PRORP: variants seen among roughly 807,000 people sequenced by gnomAD.
The protein encoded by PRORP is mitochondrial ribonuclease P catalytic subunit.
In PRORP, 51 loss-of-function variants were observed where a neutral mutation model predicts 59.4. That is an observed-to-expected ratio of 0.86 (90% CI 0.69 to 1.08). PRORP has a LOEUF of 1.08. Ranked by LOEUF, PRORP falls within the 50% of genes least tolerant of loss-of-function variation. PRORP has a pLI of 0.00. For synonymous variants in PRORP, 231 were observed against 245.6 expected (o/e 0.94, Z 0.55); for missense variants, 646 against 690.3 (o/e 0.94, Z 0.72).
chr14:35,129,349 G>A (rs1445710213), intron 4 of PRORP, among the ~76,000 whole-genome samples: 4 of 151,818 alleles, frequency 2.6e-5, no homozygotes, highest in Non-Finnish European at 5.9e-5. Context: ...ACTTAGTCCT[G>A]CCATTTTGTT....
chr14:35,130,568 G>T (rs1350065914), intron 4 of PRORP, among the ~76,000 whole-genome samples: 2 of 150,546 alleles, frequency 1.3e-5, no homozygotes, highest in African/African-American at 2.4e-5. Context: ...TCCAACCTCC[G>T]CCCCCACTGG....
At chr14:35,128,278 G>GT (rs555717483) in intron 4 of PRORP, among the ~76,000 whole-genome samples, 15,719 of 137,586 alleles carry the variant, frequency 0.11, 1,067 homozygotes, top group African/African-American at 0.21. Flanking sequence ...GTAGTTTTTT[G>GT]TTTTTTTTTT....
intron 5 of PRORP, among the ~76,000 whole-genome samples, chr14:35,246,384 C>T (rs2050485159): frequency 1.3e-5 from 2 of 152,280 alleles, no homozygotes; most frequent in African/African-American, 4.8e-5. Flanking sequence ...ACTGAGGGGG[C>T]AAGGGTATCT....
chr14:35,168,219 C>T (rs936100102), intron 4 of PRORP, among the ~76,000 whole-genome samples: 5 of 152,126 alleles, frequency 3.3e-5, no homozygotes, highest in Non-Finnish European at 4.4e-5. Flanking sequence ...TGTACCATCC[C>T]GCATTCCCAT....
chr14:35,238,359 A>C (rs1481718782), intron 5 of PRORP, among the ~76,000 whole-genome samples: 1 of 152,152 alleles, frequency 6.6e-6, no homozygotes, highest in African/African-American at 2.4e-5. Flanking sequence ...ATTTGTTTAC[A>C]CCTGTAGGTT....
Position 35,142,431 on chromosome 14 carries a change from A to G in PRORP, c.1167+14820A>G, listed in dbSNP as rs753471192. 1.1e-4 allele frequency among the ~76,000 whole-genome samples: 16 copies of G among 139,350 alleles called. 2 individuals carry two copies. The highest frequency in any genetic ancestry group is 1.6e-4 in the Non-Finnish European group (10 of 63,098). The allele number at this position is 139,350 out of a possible 152,430, so 91.4% of individuals were successfully genotyped here. A position where few individuals can be genotyped will look rare whatever the true frequency, so the allele number is the denominator to read the frequency against. On this transcript the variant is annotated intron_variant, in intron 4 of 7. Transcript: ENST00000534898. Reference sequence around the variant, plus strand: ...GGTGTGATCATAGCTCACTGCAGCAATGAACTCCTGGGCTGGAGCAATCCT... The same window carrying G: ...GGTGTGATCATAGCTCACTGCAGCAGTGAACTCCTGGGCTGGAGCAATCCT...
intron 5 of PRORP, among the ~76,000 whole-genome samples, chr14:35,192,844 A>C (rs1324098196): frequency 6.6e-6 from 1 of 151,978 alleles, no homozygotes; most frequent in African/African-American, 2.4e-5. Context: ...AAATACAAAA[A>C]TTAGCCAGGC....
rs71435870 is a variant in PRORP, at chr14:35,210,750, C to CTTT, written c.1275+30003_1275+30005dup. Among the ~76,000 whole-genome samples, 11 of 34,084 alleles carry CTTT rather than the reference C, an allele frequency of 3.2e-4. 1 individual carries two copies. Among genetic ancestry groups the CTTT allele is most frequent in the South Asian group, 4.1e-3 (2 of 482 alleles). 22.4% of individuals were successfully genotyped at this position (34,084 alleles called of 152,430 possible). On this transcript the variant is annotated intron_variant, in intron 5 of 7. Coordinates refer to ENST00000534898, the MANE Select transcript of PRORP (RefSeq NM_014672.4). ...TTTTCCTTTTCTTCTTTTCTTTTGC[C>CTTT]TTTTTTTTTTTTTTTTTTTTTTTTT...
At chr14:35,243,475 G>A (rs1283075545) in intron 5 of PRORP, among the ~76,000 whole-genome samples, 1 of 151,568 alleles carries the variant, frequency 6.6e-6, no homozygotes, top group Non-Finnish European at 1.5e-5. Context: ...GGTTGAGGCT[G>A]CAGTGAGCCG....
At chr14:35,208,920 G>GAATCACTTGAATTTGGGAGGC (rs1470581695) in intron 5 of PRORP, among the ~76,000 whole-genome samples, 6 of 152,254 alleles carry the variant, frequency 3.9e-5, no homozygotes, top group Middle Eastern at 3.4e-3. Context: ...TGAGGCACGA[G>GAATCACTTGAATTTGGGAGGC]AATCACTTGA....
intron 5 of PRORP, among the ~76,000 whole-genome samples, chr14:35,186,596 T>C (rs2048748765): frequency 6.6e-6 from 1 of 151,586 alleles, no homozygotes; most frequent in Admixed American, 6.6e-5. Flanking sequence ...TCTTTCATTT[T>C]CTTTTTTTTT....
At chr14:35,121,842 C>A, upstream of PRORP, 4 of 1,582,462 alleles carry the variant, frequency 2.5e-6, no homozygotes, top group Non-Finnish European at 3.5e-6. Context: ...CCCACCTCCC[C>A]CCTACCTCTA....
intron 5 of PRORP, among the ~76,000 whole-genome samples, chr14:35,213,987 C>G (rs2049520123): frequency 6.6e-6 from 1 of 152,154 alleles, no homozygotes; most frequent in African/African-American, 2.4e-5. Flanking sequence ...AAGTAATGTG[C>G]AATAAAATAA....
chr14:35,267,177 G>C (rs1442441371), intron 6 of PRORP, among the ~76,000 whole-genome samples: 2 of 152,132 alleles, frequency 1.3e-5, no homozygotes, highest in African/African-American at 4.8e-5. Context: ...ATCCTAAGTA[G>C]ATCATTTAGC....
At chr14:35,157,147 G>T (rs1388183950) in intron 4 of PRORP, among the ~76,000 whole-genome samples, 1 of 151,892 alleles carries the variant, frequency 6.6e-6, no homozygotes, top group Non-Finnish European at 1.5e-5. Context: ...AGTAGAGATG[G>T]GGTTTCACTA....
At chr14:35,194,630 T>C (rs1246636783) in intron 5 of PRORP, among the ~76,000 whole-genome samples, 1 of 152,190 alleles carries the variant, frequency 6.6e-6, no homozygotes, top group Non-Finnish European at 1.5e-5. Flanking sequence ...CATGTATACC[T>C]ATGTAACAAA....
At chr14:35,181,520 A>G (rs1000810123) in intron 5 of PRORP, among the ~76,000 whole-genome samples, 40 of 152,318 alleles carry the variant, frequency 2.6e-4, no homozygotes, top group African/African-American at 9.6e-4. Flanking sequence ...ACAGTGGCTC[A>G]TGCCTGTAAT....
rs2049401046 is a variant in PRORP at position 35,210,137 on chromosome 14, A to G, written c.1275+29360A>G. ...CATTAAAATCCATAAAACTGCACAC[A>G]TACTCACAAATGGAAAAAAAAGAAC... On this transcript the variant is annotated intron_variant, in intron 5 of 7. Coordinates refer to ENST00000534898, the MANE Select transcript of PRORP (RefSeq NM_014672.4). Among the ~76,000 whole-genome samples the G allele has an allele frequency of 1.3e-5, 2 of 152,220 alleles. 1 individual carries two copies. Among genetic ancestry groups the G allele is most frequent in the South Asian group, 4.1e-4 (2 of 4,826 alleles).
At chr14:35,189,875 C>G (rs1430688583) in intron 5 of PRORP, among the ~76,000 whole-genome samples, 1 of 152,078 alleles carries the variant, frequency 6.6e-6, no homozygotes, top group African/African-American at 2.4e-5. Context: ...CTTTGGGAGG[C>G]TGTGGCGGGT....
Sources: gnomAD v4.1 joint callset for allele counts (sites outside exome capture counted in the v4.1 genomes callset) on GRCh38, gnomAD v4.1.1 for gene constraint, MANE v1.5 for transcripts, NCBI Gene and HGNC (gene_info 2026-07-23, HGNC 2026-07-21) for gene names.